The following LRP1B variants were observed in gnomAD, a reference collection of about 807,000 sequenced individuals.
LRP1B encodes the protein low-density lipoprotein receptor-related protein 1B.
Under a neutral mutation model 556.6 loss-of-function variants are expected in LRP1B, and 217 were observed. The ratio of observed to expected loss-of-function variants is 0.39; its 90% CI spans 0.35 to 0.44. The LOEUF is 0.44. LRP1B is among the 20% of genes least tolerant of loss of function. LRP1B has a pLI of 1.00. For synonymous variants in LRP1B, 2,047 were observed against 1,865.8 expected (o/e 1.10, Z -2.50); for missense variants, 5,053 against 5,620.8 (o/e 0.90, Z 3.23).
chr2:141,379,342 T>C (rs1260467536), intron 3 of LRP1B, among the ~76,000 whole-genome samples: 1 of 152,136 alleles, frequency 6.6e-6, no homozygotes, highest in African/African-American at 2.4e-5. Context: ...ACAAGTTCAT[T>C]AATAGTAGAT....
intron 3 of LRP1B, among the ~76,000 whole-genome samples, chr2:141,266,349 T>C (rs1281042243): frequency 1.3e-5 from 2 of 150,828 alleles, no homozygotes; most frequent in Non-Finnish European, 3.0e-5. Flanking sequence ...AAAAAGAATA[T>C]GCATATATGC....
intron 2 of LRP1B, among the ~76,000 whole-genome samples, chr2:141,754,277 T>A (rs901152748): frequency 2.6e-5 from 4 of 152,128 alleles, no homozygotes; most frequent in African/African-American, 9.7e-5. Context: ...TTGCTTTCCA[T>A]TAGCATGGAT....
intron 1 of LRP1B, among the ~76,000 whole-genome samples, chr2:141,825,191 G>GA (rs1696883019): frequency 6.6e-6 from 1 of 151,996 alleles, no homozygotes; most frequent in Non-Finnish European, 1.5e-5. Context: ...AACTAGCTCT[G>GA]AAAAAAAGTA....
intron 3 of LRP1B, among the ~76,000 whole-genome samples, chr2:141,476,031 G>T: frequency 6.6e-6 from 1 of 152,168 alleles, no homozygotes; most frequent in East Asian, 1.9e-4. Context: ...ACTATAACAT[G>T]CCAACTGGGG....
At chr2:140,899,878 A>G (rs926316857) in intron 23 of LRP1B, among the ~76,000 whole-genome samples, 1 of 151,706 alleles carries the variant, frequency 6.6e-6, no homozygotes, top group East Asian at 2.1e-4. Context: ...ATTTGTTAGA[A>G]ATAATGTCTT....
At chr2:140,353,527 G>A (rs983887407) in intron 75 of LRP1B, among the ~76,000 whole-genome samples, 5 of 152,036 alleles carry the variant, frequency 3.3e-5, no homozygotes, top group South Asian at 2.1e-4. Flanking sequence ...CCATGCCTTC[G>A]AAGGTATCAT....
chr2:141,470,701 T>C (rs528439991), intron 3 of LRP1B, among the ~76,000 whole-genome samples: 2 of 152,298 alleles, frequency 1.3e-5, no homozygotes, highest in South Asian at 4.1e-4. Flanking sequence ...TTTTTAAATA[T>C]CAAGCTGCTG....
chr2:141,448,218 G>C (rs1209616118), intron 3 of LRP1B, among the ~76,000 whole-genome samples: 1 of 152,138 alleles, frequency 6.6e-6, no homozygotes, highest in Non-Finnish European at 1.5e-5. Context: ...TACACTGTGA[G>C]GGGAAAACCA....
intron 1 of LRP1B, among the ~76,000 whole-genome samples, chr2:142,035,813 T>C (rs1167939061): frequency 6.6e-6 from 1 of 151,704 alleles, no homozygotes. Context: ...AATCTCAACG[T>C]GAATTGTATC....
At chr2:140,664,319 T>G (rs1685195437) in intron 41 of LRP1B, among the ~76,000 whole-genome samples, 1 of 152,128 alleles carries the variant, frequency 6.6e-6, no homozygotes, top group African/African-American at 2.4e-5. Flanking sequence ...GCACAACATC[T>G]GCACAGAGTA....
chr2:141,116,791 A>G (rs563674923), intron 7 of LRP1B, among the ~76,000 whole-genome samples: 30 of 152,214 alleles, frequency 2.0e-4, no homozygotes, highest in South Asian at 1.0e-3. Flanking sequence ...ATTTTGTCCA[A>G]CAAAGACTGG....
chr2:140,751,573 T>G (rs1487952696), intron 35 of LRP1B, among the ~76,000 whole-genome samples: 1 of 152,206 alleles, frequency 6.6e-6, no homozygotes, highest in Non-Finnish European at 1.5e-5. Flanking sequence ...AAATAATATT[T>G]TAATACTTTA....
chr2:140,540,465 G>C (rs964264723), intron 45 of LRP1B, among the ~76,000 whole-genome samples: 10 of 152,010 alleles, frequency 6.6e-5, no homozygotes, highest in Non-Finnish European at 1.2e-4. Context: ...GCCTTTGGGA[G>C]GTATAAACAC....
chr2:142,057,869 C>A (rs555460514), intron 1 of LRP1B, among the ~76,000 whole-genome samples: 32 of 152,208 alleles, frequency 2.1e-4, no homozygotes, highest in African/African-American at 7.2e-4. Context: ...AATAATGGAG[C>A]TTTCCTTGGA....
At chr2:140,846,162 A>G (rs960158925) in intron 29 of LRP1B, among the ~76,000 whole-genome samples, 1 of 152,248 alleles carries the variant, frequency 6.6e-6, no homozygotes, top group Non-Finnish European at 1.5e-5. Flanking sequence ...GGGGAAGTCA[A>G]AAGATAGTGG....
At chr2:140,254,713 C>A (rs949647463) in intron 86 of LRP1B, among the ~76,000 whole-genome samples, 1 of 152,014 alleles carries the variant, frequency 6.6e-6, no homozygotes, top group Non-Finnish European at 1.5e-5. Flanking sequence ...GCCACCACAC[C>A]CGGCTGATGT....
chr2:140,832,577 A>G (rs1402856469), intron 31 of LRP1B, among the ~76,000 whole-genome samples: 4 of 152,210 alleles, frequency 2.6e-5, no homozygotes, highest in Non-Finnish European at 5.9e-5. Flanking sequence ...AAAGAATGAA[A>G]TTCTGTCATT....
chr2:140,279,599 A>G (rs1480120328), intron 84 of LRP1B, among the ~76,000 whole-genome samples: 1 of 151,974 alleles, frequency 6.6e-6, no homozygotes, highest in East Asian at 1.9e-4. Flanking sequence ...AATTCCAAGT[A>G]TCAGTTCAGC....
chr2:140,760,731 C>CA (rs1688891270), intron 35 of LRP1B, among the ~76,000 whole-genome samples: 1 of 151,822 alleles, frequency 6.6e-6, no homozygotes, highest in Non-Finnish European at 1.5e-5. Context: ...ATTAAAAATA[C>CA]AAAAAATTAA....
Sources: allele counts gnomAD v4.1 joint callset (sites outside exome capture counted in the v4.1 genomes callset), GRCh38; gene constraint gnomAD v4.1.1; transcripts MANE v1.5; gene names NCBI Gene and HGNC (gene_info 2026-07-23, HGNC 2026-07-21).